The following PFKFB3 variants were observed in gnomAD, a reference collection of about 807,000 sequenced individuals.
PFKFB3 encodes the protein 6-phosphofructo-2-kinase/fructose-2,6-biphosphatase 3, also known as 6-phosphofructo-2-kinase/fructose-2,6-bisphosphatase 3.
PFKFB3 carries 33 observed loss-of-function variants against 68.0 expected under a neutral mutation model. That is an observed-to-expected ratio of 0.49 (90% CI 0.37 to 0.65). PFKFB3 has a LOEUF of 0.65. PFKFB3 is among the 30% of genes least tolerant of loss of function. The pLI is 0.00. For missense variants in PFKFB3, 586 were observed against 712.2 expected, an observed-to-expected ratio of 0.82 and a Z score of 2.02; for synonymous variants, 315 against 288.2, an observed-to-expected ratio of 1.09 and a Z score of -0.94.
chr10:6,181,453 G>A (rs1168480090), intron 1 of PFKFB3, among the ~76,000 whole-genome samples: 1 of 152,172 alleles, frequency 6.6e-6, no homozygotes, highest in Non-Finnish European at 1.5e-5. Flanking sequence ...AAACAAGAAG[G>A]AAATGCTGAC....
In PFKFB3 at chr10:6,228,451, C is replaced by T. The variant is rs1845503807; in HGVS notation, c.1515+2086C>T. ...TACTGTTGGGTGTGTTCCGACACCG[C>T]CGCACGACCGCTGGCTTCTCCCCTA... On this transcript the variant is annotated intron_variant, in intron 14 of 14. Coordinates refer to ENST00000379775, the MANE Select transcript of PFKFB3 (RefSeq NM_004566.4). This position sits in a 1 kb window ranked among gnomAD's most constrained non-coding sequence, Gnocchi z 4.5. Among the ~76,000 whole-genome samples the T allele has an allele frequency of 6.6e-6, 1 of 152,012 alleles. No individual in the cohort carries two copies. The highest frequency in any genetic ancestry group is 1.5e-5 in the Non-Finnish European group (1 of 68,014).
At chr10:6,259,300 T>TCATCCATCCACCCAAC (rs1846518335), downstream of PFKFB3, among the ~76,000 whole-genome samples, 1 of 118,792 alleles carries the variant, frequency 8.4e-6, no homozygotes, top group Admixed American at 8.4e-5. Flanking sequence ...ACCCAACCAT[T>TCATCCATCCACCCAAC]CATCCATCCA....
rs138744987 is a variant in PFKFB3 at position 6,167,828 on chromosome 10, G to A, written c.16+22815G>A. ...TCTCATTCCTCTCCTACGCCCTTAG[G>A]TGTTAAGGAATTGGATATCTATGGA... On this transcript the variant is annotated intron_variant, in intron 1 of 14. Coordinates refer to the PFKFB3 transcript ENST00000379789. 3.8e-3 allele frequency among the ~76,000 whole-genome samples: 583 copies of A among 152,212 alleles called. 3 individuals are homozygous for A. Among genetic ancestry groups the A allele is most frequent in the African/African-American group, 0.013 (560 of 41,518 alleles).
chr10:6,179,041 A>G (rs1211307974), intron 1 of PFKFB3, among the ~76,000 whole-genome samples: 2 of 152,236 alleles, frequency 1.3e-5, no homozygotes, highest in African/African-American at 4.8e-5. Flanking sequence ...TAAAAATGAA[A>G]GGCAATGTGT....
intron 1 of PFKFB3, among the ~76,000 whole-genome samples, chr10:6,206,562 G>A (rs1191972816): frequency 1.6e-5 from 1 of 62,618 alleles, no homozygotes; most frequent in Non-Finnish European, 3.1e-5. Context: ...CCCGGACGGG[G>A]CGGCTGGCCG....
intron 1 of PFKFB3, among the ~76,000 whole-genome samples, chr10:6,151,965 T>A (rs865937650): frequency 5.6e-5 from 7 of 124,242 alleles, no homozygotes; most frequent in Middle Eastern, 4.2e-3. Flanking sequence ...TAGAATTAAC[T>A]GGGGAGCTAA....
At position 6,216,251 on chromosome 10, in the gene PFKFB3, C is replaced by T. The variant is rs74114570; in HGVS notation, c.366+60C>T. 3.1e-4 allele frequency: 458 copies of T among 1,477,268 alleles called. 3 individuals carry two copies. In the African/African-American group the frequency reaches 4.7e-3, roughly 15 times the overall value. 91.5% of individuals were successfully genotyped at this position (1,477,268 alleles called of 1,614,324 possible). On this transcript the variant is annotated intron_variant, in intron 4 of 14. Transcript: ENST00000379775. ...GTCCCACCCATGAGGGTGTCCTCAC[C>T]GGCCTGGGGTGTACCGAGACCTGTG... is the stretch of plus-strand genomic sequence containing the variant.
chr10:6,254,416 C>T, exon 15 of PFKFB3: 1 of 398,560 alleles, frequency 2.5e-6, no homozygotes, highest in Non-Finnish European at 4.4e-6. Flanking sequence ...GCTGAGGACT[C>T]TGAGAAGCTT....
chr10:6,193,470 T>C (rs1333770096), intron 1 of PFKFB3, among the ~76,000 whole-genome samples: 3 of 152,256 alleles, frequency 2.0e-5, no homozygotes, highest in African/African-American at 7.2e-5. Flanking sequence ...CTTCTCCATG[T>C]CGGACACTGT....
At chr10:6,326,259 AACATCAC>A in the PFKFB3 span, among the ~76,000 whole-genome samples, 1 of 152,080 alleles carries the variant, frequency 6.6e-6, no homozygotes, top group Non-Finnish European at 1.5e-5. Flanking sequence ...CAGGGAGGGG[AACATCAC>A]ACACTGGGGT....
intron 1 of PFKFB3, among the ~76,000 whole-genome samples, chr10:6,185,611 A>G (rs955859715): frequency 1.4e-5 from 2 of 145,966 alleles, no homozygotes; most frequent in Admixed American, 1.4e-4. Flanking sequence ...TCACCCAGTT[A>G]TACCAGATCA....
upstream of PFKFB3, among the ~76,000 whole-genome samples, chr10:6,200,676 C>T (rs1006610207): frequency 1.6e-4 from 1 of 6,158 alleles, no homozygotes. Flanking sequence ...GGGGGGGGGG[C>T]GGGGGGTGGT....
chr10:6,177,352 T>TTCTC (rs1169123741), intron 1 of PFKFB3, among the ~76,000 whole-genome samples: 5 of 69,682 alleles, frequency 7.2e-5, no homozygotes, highest in South Asian at 1.3e-3. Context: ...TTCTTTTCTT[T>TTCTC]TCTCTTTCTT....
chr10:6,245,317 G>C (rs550515845), intron 14 of PFKFB3, among the ~76,000 whole-genome samples: 1 of 151,932 alleles, frequency 6.6e-6, no homozygotes. Flanking sequence ...GACTGGTCTC[G>C]AACTCCTGAC....
chr10:6,237,658 A>G (rs1846046697), downstream of PFKFB3, among the ~76,000 whole-genome samples: 1 of 152,024 alleles, frequency 6.6e-6, no homozygotes, highest in South Asian at 2.1e-4. Context: ...CTCCGTCTCC[A>G]GGGCTCAAGT....
intron 1 of PFKFB3, among the ~76,000 whole-genome samples, chr10:6,176,372 G>T (rs1842472558): frequency 6.6e-6 from 1 of 152,202 alleles, no homozygotes; most frequent in South Asian, 2.1e-4. Context: ...GGATCGTCGA[G>T]CTGTGCATTC....
chr10:6,282,672 A>C, the PFKFB3 span, among the ~76,000 whole-genome samples: 4 of 152,174 alleles, frequency 2.6e-5, no homozygotes, highest in Admixed American at 2.6e-4. Flanking sequence ...ACCACCAAGA[A>C]GGTGCGAATA....
chr10:6,312,793 T>C, the PFKFB3 span, among the ~76,000 whole-genome samples: 4 of 152,266 alleles, frequency 2.6e-5, no homozygotes, highest in Admixed American at 6.5e-5. Flanking sequence ...TCAACTTAGC[T>C]ATACGCCCTG....
intron 1 of PFKFB3, among the ~76,000 whole-genome samples, chr10:6,194,035 T>C (rs1313807637): frequency 6.6e-6 from 1 of 152,206 alleles, no homozygotes; most frequent in Non-Finnish European, 1.5e-5. Context: ...TCTATTAATA[T>C]TTGTATTTCA....
Sources: gnomAD v4.1 joint callset for allele counts (sites outside exome capture counted in the v4.1 genomes callset) on GRCh38, gnomAD v4.1.1 for gene constraint, Gnocchi (gnomAD v3.1) non-coding constraint, MANE v1.5 for transcripts, NCBI Gene and HGNC (gene_info 2026-07-23, HGNC 2026-07-21) for gene names.